TBC1D14: variants seen among roughly 807,000 people sequenced by gnomAD.
TBC1D14 encodes the protein TBC1 domain family, member 14.
A neutral mutation model predicts 79.0 loss-of-function variants in TBC1D14; 26 were observed. The observed-to-expected ratio is 0.33, with a 90% CI of 0.24 to 0.46. The LOEUF (loss-of-function observed/expected upper bound fraction) is 0.46. Ranked by LOEUF, TBC1D14 falls within the 20% of genes least tolerant of loss-of-function variation. The pLI is 1.00. For missense variants in TBC1D14, 769 were observed against 887.6 expected, an observed-to-expected ratio of 0.87 and a Z score of 1.70; for synonymous variants, 394 against 349.9, an observed-to-expected ratio of 1.13 and a Z score of -1.40.
intron 2 of TBC1D14, among the ~76,000 whole-genome samples, chr4:6,959,045 G>A (rs1262002414): frequency 1.3e-5 from 2 of 152,074 alleles, no homozygotes; most frequent in Non-Finnish European, 2.9e-5. Context: ...CACTACGCCC[G>A]GCTAATATTT....
intron 2 of TBC1D14, among the ~76,000 whole-genome samples, chr4:6,945,917 C>A (rs1373404417): frequency 1.3e-5 from 2 of 152,080 alleles, no homozygotes; most frequent in Non-Finnish European, 2.9e-5. Context: ...TATGCATTCT[C>A]CCCTCAGAGA....
chr4:6,997,262 T>C (rs1330942372), intron 5 of TBC1D14: 2 of 152,022 alleles, frequency 1.3e-5, no homozygotes, highest in African/African-American at 2.4e-5. Flanking sequence ...GAATGTAGAG[T>C]CGTCAACCTT....
In TBC1D14 at chr4:7,010,702, C is replaced by T. The variant is rs1489805500; in HGVS notation, c.1568C>T (p.Thr523Ile). The T allele has an allele frequency of 3.1e-6, 5 of 1,613,898 alleles. No individual in the cohort carries two copies. Among genetic ancestry groups the T allele is most frequent in the Non-Finnish European group, 4.2e-6 (5 of 1,179,970 alleles). Residue 523 changes from threonine (T) to isoleucine (I), a missense_variant, in exon 11 of 14, where the codon ACT becomes ATT. Physicochemically the swap from Thr to Ile is moderately conservative, Grantham distance 89. Coordinates refer to ENST00000409757, the MANE Select transcript of TBC1D14 (RefSeq NM_020773.3). ...GCAGTGTTGATCTTGAACTTAGATA[C>T]TGCAGATGCCTTTATTGCCTTTTCT... ...IAAVLILNLD[T>I]ADAFIAFSNL... is the part of the protein sequence containing the mutation.
chr4:6,917,175 T>G (rs1723474526), intron 1 of TBC1D14, among the ~76,000 whole-genome samples: 3 of 152,214 alleles, frequency 2.0e-5, no homozygotes, highest in Admixed American at 2.0e-4. Flanking sequence ...TCTCAGCAGA[T>G]GTTTCTTGGC....
intron 3 of TBC1D14, among the ~76,000 whole-genome samples, chr4:6,979,713 GAA>G (rs1717192533): frequency 6.6e-6 from 1 of 151,944 alleles, no homozygotes; most frequent in African/African-American, 2.4e-5. Context: ...TAAAAAGATA[GAA>G]AAAGATATAC....
intron 13 of TBC1D14, 125 bp downstream of exon 13, chr4:7,025,387 T>C: frequency 6.9e-7 from 1 of 1,449,620 alleles, no homozygotes. Flanking sequence ...GGGCTGGAAC[T>C]GAGGGGGGCC....
At chr4:6,999,666 G>T (rs1719462383) in intron 6 of TBC1D14, among the ~76,000 whole-genome samples, 1 of 152,098 alleles carries the variant, frequency 6.6e-6, no homozygotes, top group Non-Finnish European at 1.5e-5. Flanking sequence ...TCCAGGCCCT[G>T]TGTCTGGAGT....
At chr4:7,014,379 T>C in intron 11 of TBC1D14, 69 bp from the exon 12 acceptor site, 1 of 968,858 alleles carries the variant, frequency 1.0e-6, no homozygotes, top group South Asian at 1.4e-5. Flanking sequence ...GATATACATA[T>C]ATTGACTTTT....
rs765718805 is a variant in TBC1D14, at chr4:7,010,637, TTCTC to T, written c.1519-13_1519-10del. 12 of 1,608,254 alleles carry T rather than the reference TTCTC, an allele frequency of 7.5e-6. No homozygotes were observed. In the African/African-American group the frequency reaches 1.5e-4, roughly 20 times the overall value. On this transcript the variant is annotated splice_polypyrimidine_tract_variant and intron_variant, in intron 10 of 13. Coordinates refer to ENST00000409757, the MANE Select transcript of TBC1D14 (RefSeq NM_020773.3). Reference sequence around the variant, plus strand: ...TGGCCACTGTGATTTTAACGTGCCTTTCTCTCCTCTCTCAGGTCCAGGGCATGTC... The same window carrying T: ...TGGCCACTGTGATTTTAACGTGCCTTTCCTCTCTCAGGTCCAGGGCATGTC...
At chr4:6,919,259 G>T (rs1428941287) in intron 1 of TBC1D14, among the ~76,000 whole-genome samples, 1 of 151,880 alleles carries the variant, frequency 6.6e-6, no homozygotes, top group East Asian at 1.9e-4. Context: ...CTATTCTCCT[G>T]CCTCAGCTTC....
At chr4:7,024,233 C>T (rs927842076) in intron 12 of TBC1D14, among the ~76,000 whole-genome samples, 5 of 152,160 alleles carry the variant, frequency 3.3e-5, no homozygotes, top group African/African-American at 1.2e-4. Flanking sequence ...ACCTCCTGAC[C>T]GAGTCAGCCC....
chr4:6,949,238 A>G (rs1050756741), intron 2 of TBC1D14, among the ~76,000 whole-genome samples: 4 of 151,374 alleles, frequency 2.6e-5, no homozygotes, highest in Admixed American at 6.6e-5. Context: ...GAGCCCTTCT[A>G]TTTTGTTCTG....
At chr4:6,919,162 T>A (rs901529888) in intron 1 of TBC1D14, among the ~76,000 whole-genome samples, 1 of 152,182 alleles carries the variant, frequency 6.6e-6, no homozygotes, top group African/African-American at 2.4e-5. Context: ...CTTTTTTTTT[T>A]TTTAGACGGA....
At position 6,999,159 on chromosome 4, in the gene TBC1D14, G is replaced by C; in HGVS notation, c.1120G>C (p.Val374Leu). ...CRVEESIGNA[V>L]LTWNNEILPN... Reference sequence around the variant, plus strand: ...AGTCGAGGAAAGCATTGGAAACGCTGTGCTCACCTGGAATAATGAGATCTT... The same window carrying C: ...AGTCGAGGAAAGCATTGGAAACGCTCTGCTCACCTGGAATAATGAGATCTT... Residue 374 changes from valine to leucine, a missense_variant, in exon 6 of 14, where the codon GTG becomes CTG. Coordinates refer to ENST00000409757, the MANE Select transcript of TBC1D14 (RefSeq NM_020773.3). 6.2e-7 allele frequency: 1 copy of C among 1,614,168 alleles called. No individual in the cohort carries two copies. Among genetic ancestry groups the C allele is most frequent in the South Asian group, 1.1e-5 (1 of 91,078 alleles).
rs899396649 is a variant in TBC1D14 at position 7,011,635 on chromosome 4, C to T, written c.1647+854C>T. ...GCAATGGTGCCATCTCAGCTCACTA[C>T]GACCTCCGCTTCCTGGGTTCAAGCA... is the stretch of plus-strand genomic sequence containing the variant. On this transcript the variant is annotated intron_variant, in intron 11 of 13. Coordinates refer to ENST00000409757, the MANE Select transcript of TBC1D14 (RefSeq NM_020773.3). Among the ~76,000 whole-genome samples the T allele has an allele frequency of 5.3e-5, 8 of 151,964 alleles. No individual in the cohort carries two copies. In the East Asian group the frequency reaches 1.5e-3, roughly 29 times the overall value.
Position 7,030,417 on chromosome 4 carries a change from G to C in TBC1D14, c.*25G>C. On this transcript the variant is annotated 3_prime_UTR_variant, in exon 14 of 14. Transcript: ENST00000409757. ...AGGCTGCAGCGGGAATTCGCACTCG[G>C]CACCAATCAGAGCCCCATGCCGCGG... 6.2e-7 allele frequency: 1 copy of C among 1,612,666 alleles called. No individual in the cohort carries two copies.
At chr4:6,994,127 G>A (rs937794163) in intron 3 of TBC1D14, 57 bp from the exon 4 acceptor site, 38 of 1,423,010 alleles carry the variant, frequency 2.7e-5, no homozygotes, top group Non-Finnish European at 3.5e-5. Flanking sequence ...CTTACTTTCC[G>A]AAGGACTTCA....
intron 2 of TBC1D14, among the ~76,000 whole-genome samples, chr4:6,927,348 C>T (rs938444167): frequency 1.3e-5 from 2 of 152,042 alleles, no homozygotes; most frequent in Non-Finnish European, 1.5e-5. Context: ...TTCATGCTGG[C>T]TGGGTTTCTC....
chr4:7,009,464 G>C (rs1720529830), intron 9 of TBC1D14, among the ~76,000 whole-genome samples: 1 of 152,188 alleles, frequency 6.6e-6, no homozygotes, highest in Admixed American at 6.5e-5. Flanking sequence ...TGGGAGGAGA[G>C]GCAGAAAGGA....
Sources: allele counts gnomAD v4.1 joint callset (sites outside exome capture counted in the v4.1 genomes callset), GRCh38; gene constraint gnomAD v4.1.1; transcripts MANE v1.5; gene names NCBI Gene and HGNC (gene_info 2026-07-23, HGNC 2026-07-21).